FRAS1: variants seen among roughly 807,000 people sequenced by gnomAD.
FRAS1 encodes extracellular matrix organizing protein FRAS1.
FRAS1 carries 290 observed loss-of-function variants against 435.2 expected under a neutral mutation model. The observed-to-expected ratio is 0.67, with a 90% CI of 0.61 to 0.73. The LOEUF is 0.73. Ranked by LOEUF, FRAS1 falls within the 30% of genes least tolerant of loss-of-function variation. The pLI is 0.00. For missense variants in FRAS1, 4,860 were observed against 5,001.5 expected, an observed-to-expected ratio of 0.97 and a Z score of 0.85; for synonymous variants, 1,800 against 1,851.0, an observed-to-expected ratio of 0.97 and a Z score of 0.71.
intron 2 of FRAS1, among the ~76,000 whole-genome samples, chr4:78,124,233 T>C (rs1207485751): frequency 2.0e-5 from 3 of 152,250 alleles, no homozygotes; most frequent in African/African-American, 7.2e-5. Flanking sequence ...GAGATAATCA[T>C]GTGGCTTTTG....
In FRAS1 at chr4:78,134,075, C is replaced by T. The variant is rs1216311127; in HGVS notation, c.108+68059C>T. Among the ~76,000 whole-genome samples the T allele has an allele frequency of 2.6e-5, 4 of 151,556 alleles. No individual in the cohort carries two copies. In the East Asian group the frequency reaches 7.8e-4, roughly 29 times the overall value. ...CCCGGGTCATGCCATTCTCCTGCCT[C>T]AGCCTCCCGAGTAGCTGGGACTTCA... On this transcript the variant is annotated intron_variant, in intron 2 of 73. Coordinates refer to ENST00000512123, the MANE Select transcript of FRAS1 (RefSeq NM_025074.7).
rs1742584146 is a variant in FRAS1, at chr4:78,109,517, GA to G, written c.108+43502del. 2.0e-5 allele frequency among the ~76,000 whole-genome samples: 3 copies of G among 149,372 alleles called. No individual in the cohort carries two copies. In the South Asian group the frequency reaches 6.5e-4, roughly 32 times the overall value. ...CAAAAACCACATGATTATCTCAATAGATGCAGAAAAAGCCTTTGACAAAATT... is the reference window on the plus strand; with the variant it reads ...CAAAAACCACATGATTATCTCAATAGTGCAGAAAAAGCCTTTGACAAAATT... On this transcript the variant is annotated intron_variant, in intron 2 of 73. Coordinates refer to ENST00000512123, the MANE Select transcript of FRAS1 (RefSeq NM_025074.7).
chr4:78,151,395 A>C (rs10029277), intron 2 of FRAS1, among the ~76,000 whole-genome samples: 7,637 of 152,264 alleles, frequency 0.05, 256 homozygotes, highest in Admixed American at 0.083. Flanking sequence ...GATAGTAAAC[A>C]GAGCAGACAC....
intron 2 of FRAS1, among the ~76,000 whole-genome samples, chr4:78,219,969 C>G (rs1367948605): frequency 1.3e-5 from 2 of 152,084 alleles, no homozygotes; most frequent in Non-Finnish European, 2.9e-5. Context: ...CTTGCTCATC[C>G]CATATCCTCT....
chr4:78,208,590 C>A (rs949281018), intron 2 of FRAS1, among the ~76,000 whole-genome samples: 1 of 151,890 alleles, frequency 6.6e-6, no homozygotes, highest in Non-Finnish European at 1.5e-5. Context: ...AAAAAACAAT[C>A]AAAACTTCAG....
chr4:78,315,774 G>T, intron 16 of FRAS1, 40 bp downstream of exon 16: 1 of 1,610,268 alleles, frequency 6.2e-7, no homozygotes, highest in South Asian at 1.1e-5. Context: ...AAAAAGTATT[G>T]AGTACATGTT....
chr4:78,196,011 T>C (rs1176805446), intron 2 of FRAS1, among the ~76,000 whole-genome samples: 1 of 151,886 alleles, frequency 6.6e-6, no homozygotes, highest in Non-Finnish European at 1.5e-5. Flanking sequence ...ATTTATTATG[T>C]TTTAATTTTT....
In FRAS1 at chr4:78,319,814, C is replaced by A. The variant is rs371694525; in HGVS notation, c.2137+828C>A. Among the ~76,000 whole-genome samples, 89 of 152,276 alleles carry A rather than the reference C, an allele frequency of 5.8e-4. 2 individuals are homozygous for A. The East Asian group carries it at 9.1e-3, about 16-fold the overall frequency. On this transcript the variant is annotated intron_variant, in intron 18 of 73. Coordinates refer to ENST00000512123, the MANE Select transcript of FRAS1 (RefSeq NM_025074.7). Reference sequence around the variant, plus strand: ...CTGAAGTGGCCTCCAATTCAATATACCCTCCCAGTGAAATGTGGGTTTCAA... The same window carrying A: ...CTGAAGTGGCCTCCAATTCAATATAACCTCCCAGTGAAATGTGGGTTTCAA...
In FRAS1 at chr4:78,208,537, T is replaced by C. The variant is rs117083150; in HGVS notation, c.109-28973T>C. Among the ~76,000 whole-genome samples, 1,035 of 151,926 alleles carry C rather than the reference T, an allele frequency of 6.8e-3. 11 individuals are homozygous for C. Among genetic ancestry groups the C allele is most frequent in the Middle Eastern group, 0.031 (9 of 294 alleles). On this transcript the variant is annotated intron_variant, in intron 2 of 73. Coordinates refer to ENST00000512123, the MANE Select transcript of FRAS1 (RefSeq NM_025074.7). ...GGAATTTAAGGAAATAAAAAAATGA[T>C]ACAAGAAATGAGGGGAGAAATCTTC...
chr4:78,302,087 G>A (rs1728437831), intron 14 of FRAS1, among the ~76,000 whole-genome samples: 1 of 149,880 alleles, frequency 6.7e-6, no homozygotes, highest in East Asian at 2.0e-4. Flanking sequence ...TCCCACCTAT[G>A]AGTGAGAATA....
intron 30 of FRAS1, among the ~76,000 whole-genome samples, chr4:78,405,869 T>C (rs1252368407): frequency 2.0e-5 from 3 of 152,206 alleles, no homozygotes; most frequent in Non-Finnish European, 4.4e-5. Flanking sequence ...CATTCTTCTG[T>C]TTGGTCTTCA....
intron 20 of FRAS1, among the ~76,000 whole-genome samples, chr4:78,350,071 C>T (rs1730710035): frequency 5.7e-5 from 1 of 17,506 alleles, no homozygotes; most frequent in Admixed American, 6.0e-4. Flanking sequence ...GAGTCAAGAC[C>T]CATCAGTGTG....
intron 58 of FRAS1, among the ~76,000 whole-genome samples, chr4:78,487,250 CTT>C (rs921953810): frequency 3.3e-5 from 5 of 152,172 alleles, no homozygotes; most frequent in African/African-American, 1.2e-4. Flanking sequence ...TATCATCTGA[CTT>C]TTCATTTAGT....
rs550959898 is a variant in FRAS1 at position 78,071,349 on chromosome 4, G to A, written c.108+5333G>A. 6 of 152,258 alleles carry A rather than the reference G, an allele frequency of 3.9e-5. No individual in the cohort carries two copies. In the South Asian group the frequency reaches 1.2e-3, roughly 32 times the overall value. 9.4% of individuals were successfully genotyped at this position (152,258 alleles called of 1,614,324 possible). A position where few individuals can be genotyped will look rare whatever the true frequency, so the allele number is the denominator to read the frequency against. On this transcript the variant is annotated intron_variant, in intron 2 of 73. Coordinates refer to ENST00000512123, the MANE Select transcript of FRAS1 (RefSeq NM_025074.7). ...GTTAACTGAGAACATACTTGTGAAA[G>A]AACCCAGAACTGTCCCTGCAAGGAA...
At chr4:78,288,690 A>G (rs1344884637) in intron 14 of FRAS1, among the ~76,000 whole-genome samples, 1 of 152,194 alleles carries the variant, frequency 6.6e-6, no homozygotes, top group Non-Finnish European at 1.5e-5. Context: ...AGGAGAAAAA[A>G]AAAACAGAGC....
At chr4:78,194,733 C>G (rs7668532) in intron 2 of FRAS1, among the ~76,000 whole-genome samples, 1 of 151,992 alleles carries the variant, frequency 6.6e-6, no homozygotes, top group Non-Finnish European at 1.5e-5. Flanking sequence ...TCCTTTAGCT[C>G]GGAGTAGTTT....
chr4:78,492,972 C>A (rs2109868648), intron 59 of FRAS1, among the ~76,000 whole-genome samples: 1 of 152,188 alleles, frequency 6.6e-6, no homozygotes, highest in Middle Eastern at 3.4e-3. Context: ...GAAAAAACAA[C>A]CCCATCAAAA....
intron 31 of FRAS1, among the ~76,000 whole-genome samples, chr4:78,411,017 T>A (rs1733311493): frequency 6.6e-6 from 1 of 152,224 alleles, no homozygotes; most frequent in Non-Finnish European, 1.5e-5. Context: ...CTAAAGGATT[T>A]CAAACTTTAA....
intron 2 of FRAS1, among the ~76,000 whole-genome samples, chr4:78,143,206 A>G (rs575873416): frequency 8.5e-5 from 13 of 152,320 alleles, no homozygotes; most frequent in Admixed American, 6.5e-5. Flanking sequence ...AAGCCAATAT[A>G]GCTATGATAT....
Sources: gnomAD v4.1 joint callset for allele counts (sites outside exome capture counted in the v4.1 genomes callset) on GRCh38, gnomAD v4.1.1 for gene constraint, MANE v1.5 for transcripts, NCBI Gene and HGNC (gene_info 2026-07-23, HGNC 2026-07-21) for gene names.